Variants in POU2AF2 observed in about 807,000 individuals in gnomAD.
POU2AF2 encodes POU domain class 2-associating factor 2.
chr11:111,260,934 A>G, the POU2AF2 span, among the ~76,000 whole-genome samples: 4 of 152,214 alleles, frequency 2.6e-5, no homozygotes, highest in African/African-American at 4.8e-5. Context: ...AATTTACACA[A>G]GACTCTGTTG....
At chr11:111,274,375 A>C in the POU2AF2 span, among the ~76,000 whole-genome samples, 1 of 152,326 alleles carries the variant, frequency 6.6e-6, no homozygotes, top group East Asian at 1.9e-4. Flanking sequence ...TAGTCTGATG[A>C]AAATGTTTTA....
At chr11:111,264,935 AGAGG>A in the POU2AF2 span, among the ~76,000 whole-genome samples, 1,827 of 132,660 alleles carry the variant, frequency 0.014, 27 homozygotes, top group Non-Finnish European at 0.016. Flanking sequence ...GAAGAAAGAA[AGAGG>A]GAGGGAGGGA....
chr11:111,273,113 T>C, the POU2AF2 span, among the ~76,000 whole-genome samples: 1 of 152,248 alleles, frequency 6.6e-6, no homozygotes, highest in Non-Finnish European at 1.5e-5. Context: ...ATAAGATTTA[T>C]AAGATATGTT....
At chr11:111,245,987 AT>A in the POU2AF2 span, 3 of 391,606 alleles carry the variant, frequency 7.7e-6, no homozygotes, top group East Asian at 1.1e-4. Flanking sequence ...CATAGAACAT[AT>A]AAAAATATAA....
the POU2AF2 span, among the ~76,000 whole-genome samples, chr11:111,276,453 A>AAAAAAAAAAT: frequency 1.9e-4 from 7 of 37,666 alleles, no homozygotes; most frequent in African/African-American, 5.8e-4. Flanking sequence ...AAAAAAAAAA[A>AAAAAAAAAAT]ATATATATAT....
chr11:111,271,444 C>T, the POU2AF2 span, among the ~76,000 whole-genome samples: 5 of 151,726 alleles, frequency 3.3e-5, no homozygotes, highest in Admixed American at 2.0e-4. Flanking sequence ...TTTTCTGAGA[C>T]AAGCTCTCAC....
At chr11:111,281,934 T>C in the POU2AF2 span, among the ~76,000 whole-genome samples, 2 of 152,214 alleles carry the variant, frequency 1.3e-5, no homozygotes, top group Admixed American at 6.5e-5. Context: ...GACAATCTCA[T>C]TTAGTTCAAC....
At chr11:111,267,285 T>C in the POU2AF2 span, among the ~76,000 whole-genome samples, 1 of 152,146 alleles carries the variant, frequency 6.6e-6, no homozygotes, top group Non-Finnish European at 1.5e-5. Context: ...GAGTCCCTCT[T>C]GGTCATTCTC....
At chr11:111,268,761 C>G in the POU2AF2 span, among the ~76,000 whole-genome samples, 1 of 151,486 alleles carries the variant, frequency 6.6e-6, no homozygotes, top group Admixed American at 6.6e-5. Context: ...TTGGTCAGGC[C>G]GGTCTTGAAC....
the POU2AF2 span, among the ~76,000 whole-genome samples, chr11:111,263,427 C>CTTTT: frequency 4.0e-3 from 382 of 96,104 alleles, 1 homozygote; most frequent in Middle Eastern, 9.4e-3. Flanking sequence ...TACTGAAGTT[C>CTTTT]TTTTTTTTTT....
chr11:111,247,271 T>A, the POU2AF2 span, among the ~76,000 whole-genome samples: 1 of 152,060 alleles, frequency 6.6e-6, no homozygotes, highest in Admixed American at 6.6e-5. Context: ...GTTGTCTCTG[T>A]ATCTTGGCTA....
At chr11:111,275,960 A>G in the POU2AF2 span, among the ~76,000 whole-genome samples, 1 of 152,202 alleles carries the variant, frequency 6.6e-6, no homozygotes, top group Non-Finnish European at 1.5e-5. Context: ...CTACCAAAAT[A>G]TAGAAGAAAG....
At chr11:111,279,538 T>A in the POU2AF2 span, among the ~76,000 whole-genome samples, 2 of 152,198 alleles carry the variant, frequency 1.3e-5, no homozygotes, top group African/African-American at 4.8e-5. Flanking sequence ...TGGCTTGAGG[T>A]TGTATCACTC....
the POU2AF2 span, among the ~76,000 whole-genome samples, chr11:111,247,709 C>T: frequency 6.6e-6 from 1 of 151,414 alleles, no homozygotes; most frequent in African/African-American, 2.4e-5. Context: ...ATCACTTGAA[C>T]CCAGGAGGTG....
At chr11:111,262,775 C>G in the POU2AF2 span, among the ~76,000 whole-genome samples, 403 of 152,266 alleles carry the variant, frequency 2.6e-3, 5 homozygotes, top group Non-Finnish European at 4.7e-3. Context: ...TCTCTAGTTT[C>G]TGTGCTTATT....
chr11:111,261,223 T>A, the POU2AF2 span, among the ~76,000 whole-genome samples: 1 of 151,832 alleles, frequency 6.6e-6, no homozygotes, highest in Non-Finnish European at 1.5e-5. Context: ...TACCAAGATA[T>A]ATAAATGTGA....
the POU2AF2 span, among the ~76,000 whole-genome samples, chr11:111,253,370 T>C: frequency 6.6e-6 from 1 of 152,238 alleles, no homozygotes; most frequent in Non-Finnish European, 1.5e-5. Context: ...TGACTTTATC[T>C]TTCAATCACT....
chr11:111,277,995 T>C, the POU2AF2 span, among the ~76,000 whole-genome samples: 1 of 152,202 alleles, frequency 6.6e-6, no homozygotes, highest in East Asian at 1.9e-4. Flanking sequence ...CTCATAGAAA[T>C]ATTAAGGGAC....
the POU2AF2 span, among the ~76,000 whole-genome samples, chr11:111,264,491 C>CGAAAGAAAGAAAGAAA: frequency 4.6e-5 from 4 of 86,062 alleles, no homozygotes; most frequent in South Asian, 4.0e-4. Flanking sequence ...GCAAGACTCA[C>CGAAAGAAAGAAAGAAA]GAAAGAAAGA....
Sources: allele counts gnomAD v4.1 joint callset (sites outside exome capture counted in the v4.1 genomes callset), GRCh38; gene constraint gnomAD v4.1.1; transcripts MANE v1.5; gene names NCBI Gene and HGNC (gene_info 2026-07-23, HGNC 2026-07-21).